HMGCLL1: variants seen among roughly 807,000 people sequenced by gnomAD.
HMGCLL1 encodes the protein 3-hydroxymethyl-3-methylglutaryl-CoA lyase, cytoplasmic.
A neutral mutation model predicts 39.1 loss-of-function variants in HMGCLL1; 36 were observed. The ratio of observed to expected loss-of-function variants is 0.92; its 90% CI spans 0.71 to 1.22. The LOEUF is 1.22. Among genes scored for constraint, HMGCLL1 ranks in the 50% most tolerant of loss-of-function variants. HMGCLL1 has a pLI of 0.00. For missense variants in HMGCLL1, 451 were observed against 416.5 expected (o/e 1.08, Z -0.72); for synonymous variants, 149 against 144.0 (o/e 1.03, Z -0.25).
intron 7 of HMGCLL1, among the ~76,000 whole-genome samples, chr6:55,448,454 AT>A (rs1286042117): frequency 6.6e-6 from 1 of 151,746 alleles, no homozygotes; most frequent in African/African-American, 2.4e-5. Context: ...GTGCTTCTAG[AT>A]TTTTTTCCAA....
intron 1 of HMGCLL1, among the ~76,000 whole-genome samples, chr6:55,568,816 CGGTCTAGCCCCTT>C (rs1397957754): frequency 6.6e-6 from 1 of 151,826 alleles, no homozygotes; most frequent in African/African-American, 2.4e-5. Flanking sequence ...TGGGTGTGCA[CGGTCTAGCCCCTT>C]GGTTGATTAG....
intron 3 of HMGCLL1, among the ~76,000 whole-genome samples, chr6:55,521,830 T>G (rs904079130): frequency 6.6e-6 from 1 of 152,042 alleles, no homozygotes; most frequent in Non-Finnish European, 1.5e-5. Flanking sequence ...ATCTCTCACT[T>G]TAAATCAAAA....
chr6:55,524,138 C>A (rs1024518289), intron 3 of HMGCLL1, among the ~76,000 whole-genome samples: 4 of 151,718 alleles, frequency 2.6e-5, no homozygotes, highest in African/African-American at 9.7e-5. Context: ...AAAGATTTTT[C>A]TAACCTATAA....
At chr6:55,549,046 T>A (rs1457024038) in intron 1 of HMGCLL1, among the ~76,000 whole-genome samples, 1 of 151,622 alleles carries the variant, frequency 6.6e-6, no homozygotes, top group African/African-American at 2.4e-5. Context: ...CATTATTTAT[T>A]TTAATAAATA....
the HMGCLL1 span, among the ~76,000 whole-genome samples, chr6:55,591,470 A>C: frequency 6.6e-6 from 1 of 151,938 alleles, no homozygotes; most frequent in Non-Finnish European, 1.5e-5. Context: ...TTCGTAAATC[A>C]TGCAAGCCAT....
At chr6:55,580,799 C>G (rs1437439455), upstream of HMGCLL1, among the ~76,000 whole-genome samples, 2 of 152,028 alleles carry the variant, frequency 1.3e-5, no homozygotes, top group Middle Eastern at 3.2e-3. Context: ...TGTAAAGCAC[C>G]AAAACTCCGG....
chr6:55,556,318 T>A (rs1770664016), intron 1 of HMGCLL1, among the ~76,000 whole-genome samples: 1 of 152,148 alleles, frequency 6.6e-6, no homozygotes, highest in South Asian at 2.1e-4. Flanking sequence ...AAGAATTGTG[T>A]TTTGAGCAAA....
chr6:55,454,934 G>A (rs914200785), intron 7 of HMGCLL1, among the ~76,000 whole-genome samples: 1 of 151,996 alleles, frequency 6.6e-6, no homozygotes, highest in African/African-American at 2.4e-5. Context: ...AAAATATTAT[G>A]TATGCTATTA....
the HMGCLL1 span, among the ~76,000 whole-genome samples, chr6:55,646,115 A>C: frequency 6.6e-6 from 1 of 151,730 alleles, no homozygotes; most frequent in Non-Finnish European, 1.5e-5. Context: ...TTATGGTTAA[A>C]TCTTGGTAGG....
chr6:55,470,054 G>C (rs913823841), intron 7 of HMGCLL1, among the ~76,000 whole-genome samples: 4 of 151,824 alleles, frequency 2.6e-5, no homozygotes, highest in Non-Finnish European at 5.9e-5. Context: ...TCATGACCCT[G>C]GGGTTGTTTT....
At chr6:55,456,475 G>T (rs1011889458) in intron 7 of HMGCLL1, among the ~76,000 whole-genome samples, 23 of 152,148 alleles carry the variant, frequency 1.5e-4, no homozygotes, top group African/African-American at 5.3e-4. Context: ...ACAGATTAAT[G>T]TCCAAGGAAG....
the HMGCLL1 span, among the ~76,000 whole-genome samples, chr6:55,603,784 A>T: frequency 6.6e-6 from 1 of 152,188 alleles, no homozygotes; most frequent in South Asian, 2.1e-4. Flanking sequence ...ATGTTTCTAT[A>T]AAATGTATGT....
chr6:55,664,797 T>C, the HMGCLL1 span, among the ~76,000 whole-genome samples: 1 of 151,664 alleles, frequency 6.6e-6, no homozygotes, highest in African/African-American at 2.4e-5. Flanking sequence ...CCAATCTCAC[T>C]CACACAATTG....
At chr6:55,495,706 T>C in intron 6 of HMGCLL1, 99 bp from the exon 7 acceptor site, 1 of 710,168 alleles carries the variant, frequency 1.4e-6, no homozygotes, top group Non-Finnish European at 2.2e-6. Flanking sequence ...AAATTACAAC[T>C]AATACCAGTA....
At chr6:55,643,837 G>T in the HMGCLL1 span, among the ~76,000 whole-genome samples, 1 of 151,960 alleles carries the variant, frequency 6.6e-6, no homozygotes, top group African/African-American at 2.4e-5. Flanking sequence ...TCAAATCTTG[G>T]TTACTGTGAA....
intron 7 of HMGCLL1, among the ~76,000 whole-genome samples, chr6:55,486,949 C>T (rs1300030261): frequency 1.9e-4 from 29 of 152,108 alleles, no homozygotes; most frequent in Admixed American, 1.9e-3. Flanking sequence ...CTTCACATGG[C>T]AGAAGTGGCA....
intron 7 of HMGCLL1, among the ~76,000 whole-genome samples, chr6:55,485,863 T>C (rs1765999617): frequency 6.6e-6 from 1 of 151,804 alleles, no homozygotes; most frequent in African/African-American, 2.4e-5. Context: ...ATAGCCTCTC[T>C]AAAAACCCTT....
At chr6:55,550,745 C>T (rs1770282462) in intron 1 of HMGCLL1, among the ~76,000 whole-genome samples, 1 of 151,624 alleles carries the variant, frequency 6.6e-6, no homozygotes, top group Non-Finnish European at 1.5e-5. Flanking sequence ...CATATTCACT[C>T]GTTCTCATTC....
intron 7 of HMGCLL1, among the ~76,000 whole-genome samples, chr6:55,468,824 T>C (rs968519435): frequency 2.0e-5 from 3 of 151,902 alleles, no homozygotes; most frequent in Non-Finnish European, 4.4e-5. Context: ...ATATACCAGA[T>C]AGAATCAGGA....
Sources: allele counts gnomAD v4.1 joint callset (sites outside exome capture counted in the v4.1 genomes callset), GRCh38; gene constraint gnomAD v4.1.1; transcripts MANE v1.5; gene names NCBI Gene and HGNC (gene_info 2026-07-23, HGNC 2026-07-21).